Variants in PRKN observed in about 807,000 individuals in gnomAD.
PRKN encodes the protein E3 ubiquitin-protein ligase parkin.
In PRKN, 56 loss-of-function variants were observed where a neutral mutation model predicts 59.5. The observed-to-expected ratio is 0.94, with a 90% confidence interval of 0.76 to 1.18. PRKN has a LOEUF of 1.18. Ranked by LOEUF, PRKN falls within the 50% of genes most tolerant of loss-of-function variation. The pLI is 0.00. For missense variants in PRKN, 657 were observed against 596.4 expected (o/e 1.10, Z -1.06); for synonymous variants, 250 against 222.1 (o/e 1.13, Z -1.12).
intron 6 of PRKN, among the ~76,000 whole-genome samples, chr6:161,947,151 C>CTA (rs1159244266): frequency 6.6e-5 from 10 of 151,574 alleles, no homozygotes; most frequent in East Asian, 3.9e-4. Context: ...AATATATAAG[C>CTA]TATATATATA....
rs923928527 is a variant in PRKN, at chr6:161,549,117, CAT to C, written c.934-116_934-115del. ...CTTAACCAGTTTCAGTAAAATAATG[CAT>C]GTGTGTGTGTGTGTGTGTGTGTAGG... On this transcript the variant is annotated intron_variant, in intron 8 of 11. Coordinates refer to ENST00000366898, the MANE Select transcript of PRKN (RefSeq NM_004562.3). The surrounding 1 kb of genome is among the most constrained non-coding windows in gnomAD (Gnocchi z 6.0). 15 of 1,092,896 alleles carry C rather than the reference CAT, an allele frequency of 1.4e-5. No homozygotes were observed. Among genetic ancestry groups the C allele is most frequent in the African/African-American group, 7.2e-5 (4 of 55,940 alleles). 67.7% of individuals were successfully genotyped at this position (1,092,896 alleles called of 1,614,324 possible).
At chr6:161,416,192 T>C (rs189776270) in intron 9 of PRKN, among the ~76,000 whole-genome samples, 1 of 152,252 alleles carries the variant, frequency 6.6e-6, no homozygotes, top group Non-Finnish European at 1.5e-5. Flanking sequence ...GGTTCGTGTA[T>C]TGTCTGTGGC....
At chr6:161,916,864 C>A (rs895267051) in intron 6 of PRKN, among the ~76,000 whole-genome samples, 14 of 152,074 alleles carry the variant, frequency 9.2e-5, no homozygotes, top group African/African-American at 3.1e-4. Context: ...AGTGGCGCGA[C>A]CTCGGTTCAC....
At chr6:162,395,038 A>AC (rs1285669258) in intron 2 of PRKN, among the ~76,000 whole-genome samples, 1 of 151,998 alleles carries the variant, frequency 6.6e-6, no homozygotes, top group Non-Finnish European at 1.5e-5. Context: ...CAGGTAGTGA[A>AC]CCCCCATTTA....
chr6:161,706,624 G>A (rs944838786), intron 7 of PRKN, among the ~76,000 whole-genome samples: 11 of 152,038 alleles, frequency 7.2e-5, no homozygotes, highest in Non-Finnish European at 8.8e-5. Context: ...TCTCTGTCAC[G>A]CAGGCTGGAG....
chr6:161,858,498 G>A (rs1793747006), intron 6 of PRKN, among the ~76,000 whole-genome samples: 1 of 152,150 alleles, frequency 6.6e-6, no homozygotes, highest in Admixed American at 6.5e-5. Context: ...GAGAAGCTCT[G>A]ATGTGCTATA....
chr6:162,606,095 A>G (rs1294146303), intron 1 of PRKN, among the ~76,000 whole-genome samples: 1 of 152,180 alleles, frequency 6.6e-6, no homozygotes, highest in African/African-American at 2.4e-5. Context: ...CAATGAACAG[A>G]ATGTTTGAAG....
At chr6:162,307,197 C>T (rs34902005) in intron 2 of PRKN, among the ~76,000 whole-genome samples, 18,640 of 151,744 alleles carry the variant, frequency 0.12, 2,437 homozygotes, top group African/African-American at 0.33. Flanking sequence ...GTCAAGAGTT[C>T]GAGACCAGCC....
chr6:161,651,631 A>G (rs982577468), intron 7 of PRKN, among the ~76,000 whole-genome samples: 1 of 152,218 alleles, frequency 6.6e-6, no homozygotes, highest in Non-Finnish European at 1.5e-5. Flanking sequence ...AAGTGTGGTC[A>G]GGTTATTAAG....
At position 161,582,854 on chromosome 6, in the gene PRKN, A is replaced by G. The variant is rs1353643953; in HGVS notation, c.872-13438T>C. On this transcript the variant is annotated intron_variant, in intron 7 of 11. Transcript: ENST00000366898. This position sits in a 1 kb window ranked among gnomAD's most constrained non-coding sequence, Gnocchi z 4.4. ...ATGTTCACCCAGGTTGGGAAGCTCAATGCTGCATCCATGTAGCTGATCCCA... is the reference window on the plus strand; with the variant it reads ...ATGTTCACCCAGGTTGGGAAGCTCAGTGCTGCATCCATGTAGCTGATCCCA... Among the ~76,000 whole-genome samples the G allele has an allele frequency of 2.0e-5, 3 of 152,056 alleles. No individual in the cohort carries two copies. The highest frequency in any genetic ancestry group is 4.4e-5 in the Non-Finnish European group (3 of 68,012).
chr6:161,572,261 A>G (rs1780919344), intron 7 of PRKN, among the ~76,000 whole-genome samples: 1 of 152,246 alleles, frequency 6.6e-6, no homozygotes, highest in Non-Finnish European at 1.5e-5. Context: ...AACATTTCAT[A>G]TGTTGAGAAA....
chr6:161,531,743 T>C (rs1779221195), intron 9 of PRKN, among the ~76,000 whole-genome samples: 1 of 152,134 alleles, frequency 6.6e-6, no homozygotes, highest in South Asian at 2.1e-4. Flanking sequence ...AAAAAAATCA[T>C]GTCAGTCTTA....
chr6:162,600,145 G>A (rs771596026), intron 1 of PRKN, among the ~76,000 whole-genome samples: 2 of 152,060 alleles, frequency 1.3e-5, no homozygotes, highest in African/African-American at 4.8e-5. Context: ...CAGTAACAGC[G>A]TTCCCTAACT....
intron 4 of PRKN, among the ~76,000 whole-genome samples, chr6:162,059,267 A>G (rs1323369602): frequency 6.6e-6 from 1 of 152,182 alleles, no homozygotes; most frequent in Admixed American, 6.5e-5. Context: ...ACCATAACAC[A>G]ATGGTGTAAG....
At chr6:162,334,621 C>G (rs1292264381) in intron 2 of PRKN, among the ~76,000 whole-genome samples, 5 of 152,208 alleles carry the variant, frequency 3.3e-5, no homozygotes. Context: ...CCTACTGACT[C>G]AACATCCATT....
At chr6:161,984,980 A>G (rs1781383683) in intron 5 of PRKN, among the ~76,000 whole-genome samples, 1 of 152,114 alleles carries the variant, frequency 6.6e-6, no homozygotes, top group Non-Finnish European at 1.5e-5. Flanking sequence ...GATTACACAC[A>G]ACACAGCAAC....
At chr6:161,929,951 G>T (rs896463942) in intron 6 of PRKN, among the ~76,000 whole-genome samples, 4 of 152,214 alleles carry the variant, frequency 2.6e-5, no homozygotes, top group African/African-American at 9.6e-5. Context: ...CAAGGAAGGT[G>T]TTCCCTTTGC....
At chr6:162,242,230 G>A (rs2128092053) in intron 3 of PRKN, among the ~76,000 whole-genome samples, 1 of 152,210 alleles carries the variant, frequency 6.6e-6, no homozygotes, top group East Asian at 1.9e-4. Flanking sequence ...TTTCACTGTT[G>A]TATGTGTGAT....
chr6:162,185,014 T>G, intron 4 of PRKN, among the ~76,000 whole-genome samples: 1 of 152,148 alleles, frequency 6.6e-6, no homozygotes, highest in East Asian at 1.9e-4. Flanking sequence ...CTGACTAATC[T>G]TAACAAAGAA....
Sources: allele counts gnomAD v4.1 joint callset (sites outside exome capture counted in the v4.1 genomes callset), GRCh38; gene constraint gnomAD v4.1.1; non-coding constraint Gnocchi (gnomAD v3.1); transcripts MANE v1.5; gene names NCBI Gene and HGNC (gene_info 2026-07-23, HGNC 2026-07-21).